Variants in TULP3 observed in about 807,000 individuals in gnomAD.
The protein encoded by TULP3 is tubby-related protein 3.
In TULP3, 38 loss-of-function variants were observed where a neutral mutation model predicts 50.7. The observed-to-expected ratio is 0.75, with a 90% CI of 0.58 to 0.98. The LOEUF (loss-of-function observed/expected upper bound fraction) is 0.98. Ranked by LOEUF, TULP3 falls within the 50% of genes least tolerant of loss-of-function variation. The pLI, the probability that TULP3 is intolerant of heterozygous loss-of-function variation, is 0.00. For synonymous variants in TULP3, 183 were observed against 196.6 expected (o/e 0.93, Z 0.58); for missense variants, 550 against 568.0 (o/e 0.97, Z 0.32).
intron 1 of TULP3, among the ~76,000 whole-genome samples, chr12:2,904,202 C>G (rs1454489829): frequency 6.6e-6 from 1 of 152,200 alleles, no homozygotes. Context: ...CCACTAATGT[C>G]TCTTTCCTAG....
chr12:2,904,274 G>A (rs995585112), intron 1 of TULP3, among the ~76,000 whole-genome samples: 1 of 152,098 alleles, frequency 6.6e-6, no homozygotes, highest in Non-Finnish European at 1.5e-5. Flanking sequence ...TTCTCTTTCT[G>A]TACACTGTGC....
intron 1 of TULP3, among the ~76,000 whole-genome samples, chr12:2,899,720 T>C (rs188342353): frequency 8.4e-4 from 128 of 151,712 alleles, no homozygotes; most frequent in East Asian, 8.4e-3. Context: ...AGTGAAACCC[T>C]GTCTCTACTA....
At chr12:2,930,608 A>G (rs1392812039) in intron 5 of TULP3, among the ~76,000 whole-genome samples, 2 of 151,986 alleles carry the variant, frequency 1.3e-5, no homozygotes, top group African/African-American at 2.4e-5. Context: ...TATTTTTAGT[A>G]GAGACAGGGT....
chr12:2,924,254 A>T (rs1341018530), intron 4 of TULP3, among the ~76,000 whole-genome samples: 1 of 152,134 alleles, frequency 6.6e-6, no homozygotes, highest in Non-Finnish European at 1.5e-5. Context: ...GCCAGTTCAG[A>T]ATGGCAGCAG....
chr12:2,911,796 C>CTCTTTGGA (rs936263484), intron 2 of TULP3, among the ~76,000 whole-genome samples: 1 of 143,188 alleles, frequency 7.0e-6, no homozygotes, highest in African/African-American at 2.6e-5. Context: ...ATTAAAAAAT[C>CTCTTTGGA]TCTTTGGATC....
chr12:2,898,698 G>A (rs1303333057), intron 1 of TULP3, among the ~76,000 whole-genome samples: 1 of 151,978 alleles, frequency 6.6e-6, no homozygotes, highest in Admixed American at 6.6e-5. Flanking sequence ...TTTTGGGCTG[G>A]GGGGACAGGT....
At chr12:2,928,946 A>G (rs981176269) in intron 4 of TULP3, among the ~76,000 whole-genome samples, 8 of 151,940 alleles carry the variant, frequency 5.3e-5, no homozygotes, top group African/African-American at 1.9e-4. Flanking sequence ...CTCCATCTCA[A>G]AAAATCATAA....
At chr12:2,893,348 A>C (rs1287823629) in intron 1 of TULP3, among the ~76,000 whole-genome samples, 1 of 65,256 alleles carries the variant, frequency 1.5e-5, no homozygotes, top group East Asian at 6.1e-4. Context: ...TTTTTTTCCA[A>C]ACGGAGTTTC....
chr12:2,929,310 C>A (rs1374634701), intron 4 of TULP3, among the ~76,000 whole-genome samples: 1 of 151,916 alleles, frequency 6.6e-6, no homozygotes, highest in East Asian at 1.9e-4. Flanking sequence ...GAGCGAGACT[C>A]CGTCTCAAAA....
In TULP3 at chr12:2,916,266, T is replaced by C. The variant is rs146384920; in HGVS notation, c.94-4497T>C. The stretch of plus-strand genomic sequence containing the variant: ...ATCGGCCCACCTCAGCCTCCCAAAG[T>C]GCTGGGATTACAGGCATGAGCCACT... On this transcript the variant is annotated intron_variant, in intron 2 of 10. Coordinates refer to ENST00000448120, the MANE Select transcript of TULP3 (RefSeq NM_003324.5). 5.2e-3 allele frequency among the ~76,000 whole-genome samples: 788 copies of C among 152,280 alleles called. 5 individuals are homozygous for C. Among genetic ancestry groups the C allele is most frequent in the African/African-American group, 0.018 (731 of 41,566 alleles).
chr12:2,928,016 C>T (rs1337540429), intron 4 of TULP3, among the ~76,000 whole-genome samples: 1 of 152,052 alleles, frequency 6.6e-6, no homozygotes, highest in Non-Finnish European at 1.5e-5. Context: ...CTTTATTTTA[C>T]ATCTGCATTC....
At chr12:2,936,560 G>T in intron 8 of TULP3, among the ~76,000 whole-genome samples, 1 of 150,428 alleles carries the variant, frequency 6.6e-6, no homozygotes, top group Non-Finnish European at 1.5e-5. Flanking sequence ...AGACCAACAT[G>T]GAGAAACCCC....
intron 2 of TULP3, among the ~76,000 whole-genome samples, chr12:2,913,587 C>T (rs1330717891): frequency 6.6e-6 from 1 of 151,482 alleles, no homozygotes; most frequent in Non-Finnish European, 1.5e-5. Context: ...TTAGCTTTTA[C>T]ACTTTCCGTG....
At chr12:2,907,913 G>A (rs1284209891) in intron 1 of TULP3, among the ~76,000 whole-genome samples, 19 of 152,132 alleles carry the variant, frequency 1.2e-4, no homozygotes, top group Non-Finnish European at 2.2e-4. Flanking sequence ...GGAGCTGGGA[G>A]AAAAGAGATT....
intron 1 of TULP3, among the ~76,000 whole-genome samples, chr12:2,901,437 A>C (rs747723260): frequency 1.3e-5 from 2 of 151,386 alleles, no homozygotes; most frequent in East Asian, 3.9e-4. Flanking sequence ...GCTGGAGTGC[A>C]GTGGCGTGAT....
At chr12:2,914,120 T>A (rs2098187254) in intron 2 of TULP3, among the ~76,000 whole-genome samples, 1 of 137,070 alleles carries the variant, frequency 7.3e-6, no homozygotes, top group South Asian at 2.3e-4. Context: ...ATACAATAAA[T>A]AATTCTTTTT....
At chr12:2,894,317 C>T (rs1470388382) in intron 1 of TULP3, among the ~76,000 whole-genome samples, 4 of 150,804 alleles carry the variant, frequency 2.7e-5, no homozygotes, top group Admixed American at 2.0e-4. Context: ...GGGGAAATCA[C>T]CTGAGGTCAC....
At chr12:2,909,166 G>C (rs2098184021) in intron 1 of TULP3, among the ~76,000 whole-genome samples, 1 of 152,164 alleles carries the variant, frequency 6.6e-6, no homozygotes, top group African/African-American at 2.4e-5. Context: ...CTAGTTCCTA[G>C]GGCTGTTTGA....
chr12:2,901,734 T>C (rs929822077), intron 1 of TULP3, among the ~76,000 whole-genome samples: 1 of 152,188 alleles, frequency 6.6e-6, no homozygotes, highest in Non-Finnish European at 1.5e-5. Context: ...CTTTAGATTT[T>C]AAATATTAAT....
Sources: allele counts gnomAD v4.1 joint callset (sites outside exome capture counted in the v4.1 genomes callset), GRCh38; gene constraint gnomAD v4.1.1; transcripts MANE v1.5; gene names NCBI Gene and HGNC (gene_info 2026-07-23, HGNC 2026-07-21).